ACSS3: variants seen among roughly 807,000 people sequenced by gnomAD.
ACSS3 encodes acyl-CoA synthetase short-chain family member 3, mitochondrial.
ACSS3 carries 64 observed loss-of-function variants against 84.2 expected under a neutral mutation model. That is an observed-to-expected ratio of 0.76 (90% confidence interval 0.62 to 0.94). The LOEUF is 0.94. Among genes scored for constraint, ACSS3 ranks in the 40% least tolerant of loss-of-function variants. The probability of loss-of-function intolerance (pLI) is 0.00; values close to 1 mark genes in which losing one functional copy is unlikely to be tolerated. For missense variants in ACSS3, 815 were observed against 867.6 expected (o/e 0.94, Z 0.76); for synonymous variants, 317 against 310.1 (o/e 1.02, Z -0.23).
intron 1 of ACSS3, among the ~76,000 whole-genome samples, chr12:81,093,948 AT>A (rs1027813331): frequency 6.6e-6 from 1 of 151,300 alleles, no homozygotes; most frequent in African/African-American, 2.4e-5. Flanking sequence ...TTGGTAGCTC[AT>A]TTTTTTTCAC....
In ACSS3 at chr12:81,259,264, G is replaced by C; in HGVS notation, c.*4342G>C. The C allele has an allele frequency of 3.5e-6, 1 of 287,322 alleles. No individual in the cohort carries two copies. The highest frequency in any genetic ancestry group is 2.3e-5 in the African/African-American group (1 of 44,074). The allele number at this position is 287,322 out of a possible 1,614,324, so 17.8% of individuals were successfully genotyped here. The stretch of plus-strand genomic sequence containing the variant: ...GGAATTGTCAAATGTTTGCACTCGA[G>C]ACTCCATGAACCATATATTTTATTT... On this transcript the variant is annotated 3_prime_UTR_variant, in exon 16 of 16. Transcript: ENST00000548058.
chr12:81,130,873 A>T (rs1885450405), intron 2 of ACSS3, among the ~76,000 whole-genome samples: 1 of 152,184 alleles, frequency 6.6e-6, no homozygotes, highest in South Asian at 2.1e-4. Context: ...AGCTCCATTT[A>T]TTAAATAGGG....
intron 2 of ACSS3, among the ~76,000 whole-genome samples, chr12:81,130,869 A>G (rs1465709258): frequency 6.6e-6 from 1 of 152,174 alleles, no homozygotes; most frequent in Non-Finnish European, 1.5e-5. Context: ...TTCCAGCTCC[A>G]TTTATTAAAT....
intron 7 of ACSS3, among the ~76,000 whole-genome samples, chr12:81,167,639 T>C (rs1380037904): frequency 6.6e-6 from 1 of 152,094 alleles, no homozygotes; most frequent in African/African-American, 2.4e-5. Flanking sequence ...CACAAACCCT[T>C]TGTTTTAGCA....
chr12:81,166,835 G>A lies in ACSS3; in HGVS notation c.1099-7953G>A, dbSNP rs147685195. Among the ~76,000 whole-genome samples the A allele has an allele frequency of 2.6e-3, 398 of 152,356 alleles. 2 individuals carry two copies. Among genetic ancestry groups the A allele is most frequent in the African/African-American group, 9.1e-3 (378 of 41,582 alleles). ...TCAGGTTGAATCGTAGTATGCATAT[G>A]GAATAGCCACACTTCACTTCCTGGG... is the stretch of plus-strand genomic sequence containing the variant. On this transcript the variant is annotated intron_variant, in intron 7 of 15. Transcript: ENST00000548058.
chr12:81,088,874 A>C (rs991479253), intron 1 of ACSS3, among the ~76,000 whole-genome samples: 1 of 152,066 alleles, frequency 6.6e-6, no homozygotes, highest in Non-Finnish European at 1.5e-5. Context: ...TCTACATCTC[A>C]AAAACATTCT....
chr12:81,176,319 C>T (rs1259950559), intron 8 of ACSS3, among the ~76,000 whole-genome samples: 2 of 152,184 alleles, frequency 1.3e-5, no homozygotes, highest in African/African-American at 2.4e-5. Flanking sequence ...TGTCTCATGC[C>T]TGTAATCCCA....
chr12:81,158,440 T>C (rs1886989722), intron 7 of ACSS3: 1 of 153,364 alleles, frequency 6.5e-6, no homozygotes, highest in Non-Finnish European at 1.5e-5. Flanking sequence ...TGGAATTTAC[T>C]CTGCAATCTT....
At chr12:81,113,172 G>T (rs1883746654) in intron 2 of ACSS3, among the ~76,000 whole-genome samples, 2 of 152,034 alleles carry the variant, frequency 1.3e-5, no homozygotes, top group Non-Finnish European at 1.5e-5. Flanking sequence ...CAATATAACC[G>T]AATAAGGGTC....
chr12:81,133,011 T>A (rs1380074064), intron 2 of ACSS3, among the ~76,000 whole-genome samples: 1 of 152,174 alleles, frequency 6.6e-6, no homozygotes, highest in Non-Finnish European at 1.5e-5. Context: ...TTTATTACTT[T>A]GGTGTATCTT....
At chr12:81,234,530 T>C (rs1388751834) in intron 13 of ACSS3, among the ~76,000 whole-genome samples, 2 of 151,454 alleles carry the variant, frequency 1.3e-5, no homozygotes, top group African/African-American at 4.8e-5. Context: ...ATTTAAGGGT[T>C]CATACTTCTT....
intron 2 of ACSS3, among the ~76,000 whole-genome samples, chr12:81,133,564 A>G (rs910633531): frequency 6.6e-6 from 1 of 151,794 alleles, no homozygotes; most frequent in African/African-American, 2.4e-5. Context: ...ATAGATATCC[A>G]CTTTTTTTCA....
intron 10 of ACSS3, 125 bp from the exon 11 acceptor site, chr12:81,219,888 C>A: frequency 4.1e-6 from 2 of 491,352 alleles, no homozygotes; most frequent in Non-Finnish European, 6.7e-6. Flanking sequence ...TGTTCATGGT[C>A]TCACAGGAAT....
At chr12:81,105,194 C>G (rs1047892198) in intron 1 of ACSS3, among the ~76,000 whole-genome samples, 1 of 152,038 alleles carries the variant, frequency 6.6e-6, no homozygotes, top group Non-Finnish European at 1.5e-5. Context: ...TTTAAAGCGG[C>G]CATCATAAAA....
intron 4 of ACSS3, among the ~76,000 whole-genome samples, chr12:81,140,071 A>G (rs1886019658): frequency 6.6e-6 from 1 of 152,212 alleles, no homozygotes; most frequent in African/African-American, 2.4e-5. Context: ...ATGCGAATGC[A>G]TGCGCTCTGA....
chr12:81,151,383 T>G (rs1196788085), intron 5 of ACSS3, among the ~76,000 whole-genome samples: 1 of 152,196 alleles, frequency 6.6e-6, no homozygotes, highest in Admixed American at 6.5e-5. Flanking sequence ...AGTTAGAATA[T>G]GACTTTGTTT....
intron 1 of ACSS3, among the ~76,000 whole-genome samples, chr12:81,081,258 G>A (rs758194587): frequency 6.6e-6 from 1 of 152,166 alleles, no homozygotes; most frequent in African/African-American, 2.4e-5. Context: ...ATCTTTAAGG[G>A]CGATATATGG....
In ACSS3 at chr12:81,233,949, G is replaced by T. The variant is rs540039345; in HGVS notation, c.1719+478G>T. Among the ~76,000 whole-genome samples, 313 of 151,514 alleles carry T rather than the reference G, an allele frequency of 2.1e-3. 1 individual carries two copies. The highest frequency in any genetic ancestry group is 7.0e-3 in the African/African-American group (291 of 41,436). On this transcript the variant is annotated intron_variant, in intron 13 of 15. Coordinates refer to ENST00000548058, the MANE Select transcript of ACSS3 (RefSeq NM_024560.4). ...CCTATGGAGTAAAATCTACATTATT[G>T]TTATACAATACTATGAGTATTTATA...
intron 9 of ACSS3, among the ~76,000 whole-genome samples, chr12:81,205,843 T>C (rs1032336765): frequency 6.6e-6 from 1 of 152,116 alleles, no homozygotes; most frequent in Non-Finnish European, 1.5e-5. Context: ...TTTTTACACT[T>C]TTTAAAACGT....
Sources: gnomAD v4.1 joint callset for allele counts (sites outside exome capture counted in the v4.1 genomes callset) on GRCh38, gnomAD v4.1.1 for gene constraint, MANE v1.5 for transcripts, NCBI Gene and HGNC (gene_info 2026-07-23, HGNC 2026-07-21) for gene names.